ACTA2: variants seen among roughly 807,000 people sequenced by gnomAD.
ACTA2 encodes the protein actin, aortic smooth muscle.
In ACTA2, 12 loss-of-function variants were observed where a neutral mutation model predicts 39.5. The observed-to-expected ratio is 0.30, with a 90% CI of 0.19 to 0.49. ACTA2 has a LOEUF of 0.49. Among genes scored for constraint, ACTA2 ranks in the 20% least tolerant of loss-of-function variants. The probability of loss-of-function intolerance (pLI) is 0.99; values close to 1 mark genes in which losing one functional copy is unlikely to be tolerated. For synonymous variants in ACTA2, 158 were observed against 180.6 expected (o/e 0.88, Z 1.00); for missense variants, 236 against 498.8 (o/e 0.47, Z 5.02).
intron 1 of ACTA2, among the ~76,000 whole-genome samples, chr10:88,951,783 A>G (rs1439743689): frequency 6.6e-6 from 1 of 152,230 alleles, no homozygotes. Context: ...GGGAAAGAAC[A>G]GTACAGTTCC....
chr10:88,988,794 T>C (rs1847000216), intron 1 of ACTA2, among the ~76,000 whole-genome samples: 1 of 152,156 alleles, frequency 6.6e-6, no homozygotes. Context: ...TGGGGAACAG[T>C]ATATATAATT....
upstream of ACTA2, among the ~76,000 whole-genome samples, chr10:88,954,940 C>T (rs1004082238): frequency 6.8e-6 from 1 of 147,014 alleles, no homozygotes; most frequent in Admixed American, 7.0e-5. Flanking sequence ...TCCAGCCAAG[C>T]GGCCAGATAC....
At chr10:88,977,967 T>C (rs1234061933) in intron 1 of ACTA2, among the ~76,000 whole-genome samples, 6 of 63,660 alleles carry the variant, frequency 9.4e-5, no homozygotes, top group East Asian at 3.6e-4. Flanking sequence ...TATTGCAGCA[T>C]TATTCACAAT....
intron 1 of ACTA2, chr10:88,974,130 G>A (rs893732136): frequency 4.6e-5 from 7 of 151,944 alleles, no homozygotes; most frequent in African/African-American, 1.2e-4. Flanking sequence ...ATAAATACAT[G>A]TCTCCAGAGC....
intron 1 of ACTA2, among the ~76,000 whole-genome samples, chr10:88,961,484 G>C (rs969584517): frequency 6.6e-6 from 1 of 152,180 alleles, no homozygotes; most frequent in Non-Finnish European, 1.5e-5. Context: ...TTCTTCATCA[G>C]TGTCAGCTGT....
intron 1 of ACTA2, among the ~76,000 whole-genome samples, chr10:88,966,336 T>C (rs1233665690): frequency 2.0e-5 from 3 of 152,170 alleles, no homozygotes; most frequent in Non-Finnish European, 4.4e-5. Flanking sequence ...GGGAAGGGGA[T>C]TGGACAGGAC....
intron 1 of ACTA2, among the ~76,000 whole-genome samples, chr10:88,981,618 C>T (rs1021724084): frequency 7.2e-5 from 11 of 152,064 alleles, no homozygotes; most frequent in Admixed American, 2.0e-4. Context: ...GTTAACAGTA[C>T]CACAAGCAGT....
rs1847075419 is a variant in ACTA2 at position 88,990,114 on chromosome 10, C to T, written c.-24+825G>A. On this transcript the variant is annotated intron_variant, in intron 1 of 4. Coordinates refer to the ACTA2 transcript ENST00000415557. The surrounding 1 kb of genome is among the most constrained non-coding windows in gnomAD (Gnocchi z 4.9). Reference sequence around the variant, plus strand: ...GGCTTAAGTTGTTAGCTTTGTTTTCCTCTTGAGAAATAAAAACTAAGGGGC... The same window carrying T: ...GGCTTAAGTTGTTAGCTTTGTTTTCTTCTTGAGAAATAAAAACTAAGGGGC... Among the ~76,000 whole-genome samples, 1 of 152,120 alleles carries T rather than the reference C, an allele frequency of 6.6e-6. No individual in the cohort carries two copies.
intron 1 of ACTA2, among the ~76,000 whole-genome samples, chr10:88,976,564 C>A (rs1019361160): frequency 3.3e-5 from 5 of 152,162 alleles, no homozygotes; most frequent in Non-Finnish European, 7.3e-5. Context: ...ATAGCAAAAA[C>A]CCACTTCCTT....
At chr10:88,982,283 T>C (rs574511143) in intron 1 of ACTA2, among the ~76,000 whole-genome samples, 1 of 152,320 alleles carries the variant, frequency 6.6e-6, no homozygotes, top group East Asian at 1.9e-4. Flanking sequence ...AAATGGTACC[T>C]GGCTCATACT....
intron 1 of ACTA2, among the ~76,000 whole-genome samples, chr10:88,968,427 T>C (rs1846361202): frequency 6.6e-6 from 1 of 152,118 alleles, no homozygotes; most frequent in Non-Finnish European, 1.5e-5. Flanking sequence ...ATGTTTGTTT[T>C]CCTGAATCCA....
At chr10:88,968,202 T>C (rs535908611) in intron 1 of ACTA2, among the ~76,000 whole-genome samples, 90 of 152,350 alleles carry the variant, frequency 5.9e-4, no homozygotes, top group African/African-American at 2.0e-3. Context: ...TCAGAAATGT[T>C]ACGTATAGAC....
intron 1 of ACTA2, chr10:88,974,748 T>C (rs927521196): frequency 6.6e-6 from 1 of 152,186 alleles, no homozygotes; most frequent in Admixed American, 6.5e-5. Context: ...ATAAAATAAA[T>C]CTCTTTCACT....
At chr10:88,991,101 C>T (rs1847168776) in exon 1 of ACTA2, 3 of 678,408 alleles carry the variant, frequency 4.4e-6, no homozygotes, top group Admixed American at 5.0e-5. Flanking sequence ...GGCCCGGGTG[C>T]TCAGAACGCT....
intron 1 of ACTA2, among the ~76,000 whole-genome samples, chr10:88,951,434 T>C (rs930352354): frequency 2.0e-5 from 3 of 151,676 alleles, no homozygotes; most frequent in Non-Finnish European, 2.9e-5. Context: ...GGGTTGACTA[T>C]ACTCAGAAAA....
intron 3 of ACTA2, among the ~76,000 whole-genome samples, chr10:88,945,337 A>G (rs1845925786): frequency 6.6e-6 from 1 of 152,244 alleles, no homozygotes; most frequent in South Asian, 2.1e-4. Context: ...AAATTTTTGT[A>G]GAAAGATAGA....
upstream of ACTA2, among the ~76,000 whole-genome samples, chr10:88,955,578 C>T (rs534080713): frequency 1.3e-5 from 2 of 152,312 alleles, no homozygotes; most frequent in East Asian, 1.9e-4. Context: ...CTGCTCTGTT[C>T]CTCATTTGAG....
chr10:88,958,619 A>G (rs1846176556), intron 1 of ACTA2, among the ~76,000 whole-genome samples: 1 of 152,152 alleles, frequency 6.6e-6, no homozygotes, highest in Non-Finnish European at 1.5e-5. Flanking sequence ...AGGTTAAATC[A>G]TCAAGCAAAA....
At chr10:88,955,505 A>G (rs1392578974), upstream of ACTA2, among the ~76,000 whole-genome samples, 1 of 152,192 alleles carries the variant, frequency 6.6e-6, no homozygotes, top group Non-Finnish European at 1.5e-5. Context: ...CATGAAGACA[A>G]AGGCATGGAG....
Sources: allele counts gnomAD v4.1 joint callset (sites outside exome capture counted in the v4.1 genomes callset), GRCh38; gene constraint gnomAD v4.1.1; non-coding constraint Gnocchi (gnomAD v3.1); transcripts MANE v1.5; gene names NCBI Gene and HGNC (gene_info 2026-07-23, HGNC 2026-07-21).